Variants in GRIK2 observed in about 807,000 individuals in gnomAD.
The protein encoded by GRIK2 is glutamate ionotropic receptor kainate type subunit 2.
In GRIK2, 32 loss-of-function variants were observed where a neutral mutation model predicts 100.3. That is an observed-to-expected ratio of 0.32 (90% CI 0.24 to 0.43). The LOEUF is 0.43. GRIK2 is among the 20% of genes least tolerant of loss of function. GRIK2 has a pLI of 1.00. For synonymous variants in GRIK2, 417 were observed against 389.4 expected (o/e 1.07, Z -0.83); for missense variants, 843 against 1,114.9 (o/e 0.76, Z 3.47).
chr6:102,019,770 A>G (rs998368758), intron 14 of GRIK2, among the ~76,000 whole-genome samples: 1 of 151,990 alleles, frequency 6.6e-6, no homozygotes, highest in Non-Finnish European at 1.5e-5. Context: ...TCCTTGACAT[A>G]TCTACTCTTA....
At chr6:101,413,199 A>C (rs970183684) in intron 2 of GRIK2, among the ~76,000 whole-genome samples, 1 of 152,018 alleles carries the variant, frequency 6.6e-6, no homozygotes, top group African/African-American at 2.4e-5. Context: ...GCTATATCTT[A>C]ATAACAAACC....
At chr6:101,998,980 A>C (rs535602352) in intron 14 of GRIK2, among the ~76,000 whole-genome samples, 2 of 151,638 alleles carry the variant, frequency 1.3e-5, no homozygotes, top group South Asian at 4.1e-4. Flanking sequence ...CACCTGGCTA[A>C]CTTTGGTGTT....
intron 12 of GRIK2, among the ~76,000 whole-genome samples, chr6:101,895,693 C>T (rs760030611): frequency 6.6e-6 from 1 of 151,640 alleles, no homozygotes; most frequent in Non-Finnish European, 1.5e-5. Context: ...TCTTTGCCAC[C>T]AACTTGCCAG....
chr6:101,809,529 C>T (rs73512751), intron 9 of GRIK2, among the ~76,000 whole-genome samples: 1,936 of 151,962 alleles, frequency 0.013, 31 homozygotes, highest in African/African-American at 0.043. Context: ...TTTCTAGAAC[C>T]GGATGCACGG....
intron 4 of GRIK2, among the ~76,000 whole-genome samples, chr6:101,631,603 A>T (rs1780745718): frequency 6.6e-6 from 1 of 152,200 alleles, no homozygotes; most frequent in Admixed American, 6.6e-5. Context: ...ATCTCCAGTG[A>T]CTGGCTCTCC....
At chr6:101,556,485 A>G (rs1214521505) in intron 2 of GRIK2, among the ~76,000 whole-genome samples, 4 of 151,640 alleles carry the variant, frequency 2.6e-5, no homozygotes, top group Non-Finnish European at 5.9e-5. Flanking sequence ...TTTTTAAAAA[A>G]TTGTTTCACA....
At chr6:101,744,942 C>A (rs1033175861) in intron 7 of GRIK2, 4 of 151,990 alleles carry the variant, frequency 2.6e-5, no homozygotes, top group Non-Finnish European at 4.4e-5. Flanking sequence ...ATGTTTGCAA[C>A]TGCAAATTGT....
chr6:102,007,123 T>C (rs896103322), intron 14 of GRIK2, among the ~76,000 whole-genome samples: 1 of 152,150 alleles, frequency 6.6e-6, no homozygotes, highest in African/African-American at 2.4e-5. Context: ...GTAACAGTAA[T>C]ATACCAAATT....
chr6:101,951,939 A>G (rs1343001135), intron 14 of GRIK2, among the ~76,000 whole-genome samples: 1 of 152,226 alleles, frequency 6.6e-6, no homozygotes, highest in East Asian at 1.9e-4. Flanking sequence ...CCCACAATGT[A>G]ATATCATGAA....
intron 2 of GRIK2, among the ~76,000 whole-genome samples, chr6:101,565,951 A>G (rs1413603116): frequency 6.9e-6 from 1 of 145,610 alleles, no homozygotes; most frequent in African/African-American, 2.5e-5. Context: ...ATATATATAT[A>G]TATATATAAG....
At chr6:101,779,844 T>C (rs961574042) in intron 7 of GRIK2, among the ~76,000 whole-genome samples, 3 of 152,072 alleles carry the variant, frequency 2.0e-5, no homozygotes, top group Non-Finnish European at 4.4e-5. Flanking sequence ...TATACACATA[T>C]ATAATTATGC....
intron 9 of GRIK2, among the ~76,000 whole-genome samples, chr6:101,814,389 T>TAATACCTCCA (rs1781509168): frequency 6.6e-6 from 1 of 152,058 alleles, no homozygotes; most frequent in Non-Finnish European, 1.5e-5. Flanking sequence ...GGAGGTAAAG[T>TAATACCTCCA]AAGTGTGATT....
intron 5 of GRIK2, among the ~76,000 whole-genome samples, chr6:101,677,738 T>C (rs558639972): frequency 1.3e-5 from 2 of 152,198 alleles, no homozygotes; most frequent in East Asian, 3.9e-4. Flanking sequence ...CTCTCATGTA[T>C]AGGACAAAAT....
rs1316471577 is a variant in GRIK2, at chr6:101,928,408, C to T, written c.1868-7C>T. ...ATTCGTTTCACCTTTCCCCCACTCT[C>T]TGTTAGGTTCTGAGCTCATGCCCAA... is the stretch of plus-strand genomic sequence containing the variant. On this transcript the variant is annotated splice_region_variant and splice_polypyrimidine_tract_variant and intron_variant, in intron 13 of 16. Coordinates refer to ENST00000369134, the MANE Select transcript of GRIK2 (RefSeq NM_021956.5). The T allele has an allele frequency of 6.8e-7, 1 of 1,473,560 alleles. No homozygotes were observed. Among genetic ancestry groups the T allele is most frequent in the Non-Finnish European group, 9.5e-7 (1 of 1,051,780 alleles). 91.3% of individuals were successfully genotyped at this position (1,473,560 alleles called of 1,614,324 possible). A position where few individuals can be genotyped will look rare whatever the true frequency, so the allele number is the denominator to read the frequency against.
intron 12 of GRIK2, among the ~76,000 whole-genome samples, chr6:101,909,239 A>C (rs1012912442): frequency 2.0e-5 from 3 of 150,976 alleles, no homozygotes; most frequent in Non-Finnish European, 3.0e-5. Flanking sequence ...ATAAGAAAAA[A>C]ATATATAAAC....
intron 11 of GRIK2, among the ~76,000 whole-genome samples, chr6:101,874,903 G>A (rs1322644002): frequency 6.6e-6 from 1 of 151,974 alleles, no homozygotes; most frequent in Non-Finnish European, 1.5e-5. Context: ...CTGTTTGTCT[G>A]TTATTGGTGT....
rs531950574 is a variant in GRIK2 at position 101,621,808 on chromosome 6, CTCTT to C, written c.116-137_116-134del. The C allele has an allele frequency of 1.3e-4, 86 of 645,440 alleles. No homozygotes were observed. The South Asian group carries it at 1.4e-3, about 10-fold the overall frequency. The allele number at this position is 645,440 out of a possible 1,614,324, so 40.0% of individuals were successfully genotyped here. On this transcript the variant is annotated intron_variant, in intron 2 of 16. Coordinates refer to ENST00000369134, the MANE Select transcript of GRIK2 (RefSeq NM_021956.5). ...TACTTAAATCTCTCCCTCTCTCTCT[CTCTT>C]TCTCTCTCTCACACACACACACGCA... is the stretch of plus-strand genomic sequence containing the variant.
At chr6:101,889,247 C>T (rs138741260) in intron 11 of GRIK2, among the ~76,000 whole-genome samples, 2 of 151,584 alleles carry the variant, frequency 1.3e-5, no homozygotes, top group Non-Finnish European at 2.9e-5. Flanking sequence ...TATAATTTGA[C>T]CAATGTATTA....
chr6:102,054,337 G>A (rs1256163845), intron 15 of GRIK2, among the ~76,000 whole-genome samples: 1 of 152,098 alleles, frequency 6.6e-6, no homozygotes, highest in African/African-American at 2.4e-5. Context: ...AAGCTGAAAT[G>A]TTTAATATTT....
Sources: gnomAD v4.1 joint callset for allele counts (sites outside exome capture counted in the v4.1 genomes callset) on GRCh38, gnomAD v4.1.1 for gene constraint, MANE v1.5 for transcripts, NCBI Gene and HGNC (gene_info 2026-07-23, HGNC 2026-07-21) for gene names.